CALN1: variants seen among roughly 807,000 people sequenced by gnomAD.
CALN1 encodes calcium-binding protein 8.
A neutral mutation model predicts 30.6 loss-of-function variants in CALN1; 17 were observed. The ratio of observed to expected loss-of-function variants is 0.56; its 90% confidence interval spans 0.38 to 0.83. CALN1 has a LOEUF of 0.83. CALN1 is among the 40% of genes least tolerant of loss of function. CALN1 has a pLI of 0.00. For synonymous variants in CALN1, 156 were observed against 131.4 expected (o/e 1.19, Z -1.28); for missense variants, 291 against 354.9 (o/e 0.82, Z 1.45).
chr7:72,209,086 CCCT>C lies in CALN1; in HGVS notation c.244+69597_244+69599del, dbSNP rs758078131. Among the ~76,000 whole-genome samples, 19 of 141,444 alleles carry C rather than the reference CCCT, an allele frequency of 1.3e-4. 1 individual carries two copies. The highest frequency in any genetic ancestry group is 1.2e-3 in the South Asian group (5 of 4,170). 92.8% of individuals were successfully genotyped at this position (141,444 alleles called of 152,430 possible). On this transcript the variant is annotated intron_variant, in intron 3 of 6. Coordinates refer to ENST00000395275, the MANE Select transcript of CALN1 (RefSeq NM_031468.4). The stretch of plus-strand genomic sequence containing the variant: ...CCATCCTGTCCTCTCTCCTTCCCTT[CCCT>C]CCTTTCTTGTGTCATTTCTCTCTTT...
At chr7:71,911,958 G>A (rs1046514754) in intron 5 of CALN1, among the ~76,000 whole-genome samples, 3 of 151,980 alleles carry the variant, frequency 2.0e-5, no homozygotes, top group South Asian at 4.1e-4. Flanking sequence ...AGAACACCAC[G>A]GTGAGAGGAA....
intron 4 of CALN1, among the ~76,000 whole-genome samples, chr7:72,061,544 AAAG>A (rs1300658920): frequency 2.0e-5 from 3 of 151,940 alleles, no homozygotes; most frequent in Admixed American, 6.6e-5. Context: ...CAGTAACAGC[AAAG>A]AAGCTCTATA....
chr7:71,994,529 A>AC (rs1401834620), intron 5 of CALN1, among the ~76,000 whole-genome samples: 10 of 151,752 alleles, frequency 6.6e-5, no homozygotes, highest in African/African-American at 2.4e-4. Flanking sequence ...AAAAAAAAAA[A>AC]AAAACAGTGA....
intron 2 of CALN1, among the ~76,000 whole-genome samples, chr7:72,372,195 GC>G (rs781089545): frequency 6.6e-6 from 1 of 152,068 alleles, no homozygotes; most frequent in Non-Finnish European, 1.5e-5. Context: ...TTGCACCTCA[GC>G]CCCCAAATAA....
At chr7:72,247,055 G>A (rs6460707) in intron 3 of CALN1, among the ~76,000 whole-genome samples, 53,935 of 149,790 alleles carry the variant, frequency 0.36, 10,556 homozygotes, top group Middle Eastern at 0.55. Context: ...TGCCCGGCCA[G>A]CCCTACCAGA....
At chr7:72,224,608 C>A (rs369923047) in intron 3 of CALN1, among the ~76,000 whole-genome samples, 1 of 151,742 alleles carries the variant, frequency 6.6e-6, no homozygotes, top group African/African-American at 2.4e-5. Flanking sequence ...CATGGTGTAA[C>A]CTGTCTTTAC....
Position 71,954,914 on chromosome 7 carries a change from ATTC to A in CALN1, c.501+68740_501+68742del, listed in dbSNP as rs575027620. Among the ~76,000 whole-genome samples the A allele has an allele frequency of 1.2e-3, 181 of 152,168 alleles. 2 individuals carry two copies. Among genetic ancestry groups the A allele is most frequent in the African/African-American group, 4.2e-3 (174 of 41,520 alleles). ...GAACAGACAGTTTCATTTGACTATT[ATTC>A]TTCTTATTTATTTTACCCACATCTT... On this transcript the variant is annotated intron_variant, in intron 5 of 6. Transcript: ENST00000395275.
At chr7:72,109,521 C>T (rs1444779280) in intron 3 of CALN1, among the ~76,000 whole-genome samples, 1 of 152,226 alleles carries the variant, frequency 6.6e-6, no homozygotes, top group Non-Finnish European at 1.5e-5. Flanking sequence ...AAATTTTAGT[C>T]CAACCCAAAT....
intron 2 of CALN1, among the ~76,000 whole-genome samples, chr7:72,342,866 T>A (rs746817927): frequency 7.9e-5 from 12 of 151,878 alleles, no homozygotes; most frequent in Non-Finnish European, 1.8e-4. Context: ...AAAAAAAAAA[T>A]CATTCAAAAA....
intron 3 of CALN1, among the ~76,000 whole-genome samples, chr7:72,131,144 G>A (rs1347386464): frequency 6.6e-6 from 1 of 152,110 alleles, no homozygotes; most frequent in East Asian, 1.9e-4. Flanking sequence ...GAGAGAGGCA[G>A]AAAAGCCAGC....
intron 4 of CALN1, among the ~76,000 whole-genome samples, chr7:72,032,143 C>T (rs1801493481): frequency 6.7e-6 from 1 of 148,262 alleles, no homozygotes; most frequent in African/African-American, 2.5e-5. Flanking sequence ...ACTGCAAGCT[C>T]TGCCTCCTGG....
intron 5 of CALN1, among the ~76,000 whole-genome samples, chr7:71,827,045 G>A (rs1040905641): frequency 6.6e-6 from 1 of 152,210 alleles, no homozygotes; most frequent in African/African-American, 2.4e-5. Context: ...GGGATAGGGT[G>A]CAGCCGGAGT....
intron 5 of CALN1, among the ~76,000 whole-genome samples, chr7:71,823,411 G>C (rs139032626): frequency 1.3e-5 from 2 of 152,220 alleles, no homozygotes; most frequent in Admixed American, 1.3e-4. Flanking sequence ...CCCGACCCTG[G>C]GTAATTTATA....
chr7:72,254,838 C>T (rs1436167789), intron 3 of CALN1, among the ~76,000 whole-genome samples: 1 of 152,084 alleles, frequency 6.6e-6, no homozygotes, highest in African/African-American at 2.4e-5. Flanking sequence ...GCCATCTCGG[C>T]TCACTGCAAC....
chr7:72,010,998 CA>C (rs1331205060), intron 5 of CALN1, among the ~76,000 whole-genome samples: 2 of 151,166 alleles, frequency 1.3e-5, no homozygotes, highest in Non-Finnish European at 3.0e-5. Flanking sequence ...TCTAAAAATA[CA>C]AAAATTAGCT....
chr7:72,149,163 G>A (rs912151023), intron 3 of CALN1, among the ~76,000 whole-genome samples: 1 of 151,872 alleles, frequency 6.6e-6, no homozygotes, highest in African/African-American at 2.4e-5. Context: ...AGAACCATGA[G>A]CCAAATAAAC....
intron 1 of CALN1, among the ~76,000 whole-genome samples, chr7:72,435,856 G>A (rs756609929): frequency 7.9e-5 from 12 of 152,182 alleles, no homozygotes; most frequent in Non-Finnish European, 1.5e-4. Flanking sequence ...TAACCTGCCA[G>A]AGACACAGAA....
At chr7:72,391,460 A>C (rs1463299643) in intron 2 of CALN1, among the ~76,000 whole-genome samples, 1 of 140,148 alleles carries the variant, frequency 7.1e-6, no homozygotes, top group Non-Finnish European at 1.6e-5. Context: ...ACCAGGCAGC[A>C]AAAGGACCCA....
chr7:72,377,436 C>CGTGTGTGTGTGTGT (rs138060244), intron 2 of CALN1, among the ~76,000 whole-genome samples: 303 of 142,420 alleles, frequency 2.1e-3, no homozygotes, highest in Middle Eastern at 0.011. Context: ...GCCACACTTT[C>CGTGTGTGTGTGTGT]GTGTGTGTGT....
Sources: allele counts gnomAD v4.1 joint callset (sites outside exome capture counted in the v4.1 genomes callset), GRCh38; gene constraint gnomAD v4.1.1; transcripts MANE v1.5; gene names NCBI Gene and HGNC (gene_info 2026-07-23, HGNC 2026-07-21).